PITPNC1: variants seen among roughly 807,000 people sequenced by gnomAD.
PITPNC1 encodes phosphatidylinositol transfer protein cytoplasmic 1.
PITPNC1 carries 18 observed loss-of-function variants against 44.7 expected under a neutral mutation model. That is an observed-to-expected ratio of 0.40 (90% CI 0.28 to 0.60). The LOEUF (loss-of-function observed/expected upper bound fraction) is 0.60. Among genes scored for constraint, PITPNC1 ranks in the 20% least tolerant of loss-of-function variants. The pLI, the probability that PITPNC1 is intolerant of heterozygous loss-of-function variation, is 0.39. For missense variants in PITPNC1, 290 were observed against 418.4 expected (o/e 0.69, Z 2.68); for synonymous variants, 141 against 149.6 (o/e 0.94, Z 0.42).
intron 1 of PITPNC1, among the ~76,000 whole-genome samples, chr17:67,529,080 C>T (rs552102931): frequency 2.6e-5 from 4 of 152,236 alleles, no homozygotes; most frequent in East Asian, 1.9e-4. Flanking sequence ...CCCACACTGA[C>T]GCCGTCTCAG....
chr17:67,483,588 A>C (rs1439839970), intron 1 of PITPNC1, among the ~76,000 whole-genome samples: 1 of 152,176 alleles, frequency 6.6e-6, no homozygotes, highest in Non-Finnish European at 1.5e-5. Flanking sequence ...TGATCGTTGC[A>C]GTGTTTTGGA....
chr17:67,495,062 T>TTTTTG (rs2039931194), intron 1 of PITPNC1, among the ~76,000 whole-genome samples: 2 of 98,870 alleles, frequency 2.0e-5, no homozygotes, highest in Non-Finnish European at 4.3e-5. Context: ...GTTTTTTTTT[T>TTTTTG]TTTTTTTTTT....
intron 1 of PITPNC1, among the ~76,000 whole-genome samples, chr17:67,527,575 C>T (rs1488089556): frequency 2.6e-5 from 4 of 152,038 alleles, no homozygotes; most frequent in East Asian, 1.9e-4. Context: ...TGGTGGTGGG[C>T]GCCTGTAACC....
In PITPNC1 at chr17:67,550,161, CAG is replaced by C. The variant is rs372553274; in HGVS notation, c.198-2091_198-2090del. Reference sequence around the variant, plus strand: ...ACGTAAGGGAAATGAGCAGTTACTGCAGAGAGGATTTTATAGGAGTGAAAAAT... The same window carrying C: ...ACGTAAGGGAAATGAGCAGTTACTGCAGAGGATTTTATAGGAGTGAAAAAT... On this transcript the variant is annotated intron_variant, in intron 2 of 8. Transcript: ENST00000581322. Among the ~76,000 whole-genome samples, 13 of 152,230 alleles carry C rather than the reference CAG, an allele frequency of 8.5e-5. No individual in the cohort carries two copies. The East Asian group carries it at 2.1e-3, about 25-fold the overall frequency.
intron 1 of PITPNC1, among the ~76,000 whole-genome samples, chr17:67,432,435 C>T (rs1192730054): frequency 6.6e-6 from 1 of 152,018 alleles, no homozygotes; most frequent in Non-Finnish European, 1.5e-5. Flanking sequence ...TTGCAGTGAG[C>T]CGAGCTTGCA....
At chr17:67,391,741 A>G (rs974747533) in intron 1 of PITPNC1, among the ~76,000 whole-genome samples, 1 of 152,132 alleles carries the variant, frequency 6.6e-6, no homozygotes, top group East Asian at 1.9e-4. Context: ...TCGGCCTCTC[A>G]AAGTGTTGGG....
chr17:67,490,264 TTGTG>T (rs111690441), intron 1 of PITPNC1, among the ~76,000 whole-genome samples: 1 of 149,398 alleles, frequency 6.7e-6, no homozygotes, highest in East Asian at 1.9e-4. Context: ...TGGGTCATAC[TTGTG>T]TGTGTGTGTG....
In PITPNC1 at chr17:67,572,470, G is replaced by GA. The variant is rs1185996758; in HGVS notation, c.295-5716_295-5715insA. On this transcript the variant is annotated intron_variant, in intron 4 of 8. Transcript: ENST00000581322. ...ACACCTGAAGAAGCTGGGTAAAGCG[G>GA]GGGGGGGGGGTAAAGAAGAAGGGGG... Among the ~76,000 whole-genome samples, 12 of 67,662 alleles carry GA rather than the reference G, an allele frequency of 1.8e-4. 2 individuals carry two copies. In the East Asian group the frequency reaches 6.9e-3, roughly 39 times the overall value. 44.4% of individuals were successfully genotyped at this position (67,662 alleles called of 152,430 possible).
chr17:67,458,333 T>C (rs1316885703), intron 1 of PITPNC1, among the ~76,000 whole-genome samples: 1 of 152,222 alleles, frequency 6.6e-6, no homozygotes, highest in African/African-American at 2.4e-5. Context: ...GACCTTCTCA[T>C]TGTGCTCTCT....
At chr17:67,507,675 C>G (rs1382269650) in intron 1 of PITPNC1, among the ~76,000 whole-genome samples, 1 of 107,954 alleles carries the variant, frequency 9.3e-6, no homozygotes, top group African/African-American at 3.7e-5. Context: ...CAGGGCAAGA[C>G]TTGGTCTCAA....
intron 1 of PITPNC1, among the ~76,000 whole-genome samples, chr17:67,525,729 C>G (rs935863564): frequency 2.6e-5 from 4 of 152,154 alleles, no homozygotes; most frequent in African/African-American, 9.7e-5. Context: ...GCTTTGAGGT[C>G]CAGCAGAGGT....
chr17:67,684,189 G>T (rs918262280), intron 8 of PITPNC1, among the ~76,000 whole-genome samples: 1 of 146,320 alleles, frequency 6.8e-6, no homozygotes, highest in Non-Finnish European at 1.5e-5. Flanking sequence ...TTGACTCACT[G>T]CAGCCTCCGT....
At chr17:67,565,038 G>A (rs2040956194) in intron 4 of PITPNC1, among the ~76,000 whole-genome samples, 1 of 150,868 alleles carries the variant, frequency 6.6e-6, no homozygotes, top group African/African-American at 2.4e-5. Context: ...ATACTCGTTT[G>A]CCATGTTTTT....
intron 1 of PITPNC1, among the ~76,000 whole-genome samples, chr17:67,496,205 A>G (rs2039950259): frequency 6.6e-6 from 1 of 152,194 alleles, no homozygotes; most frequent in African/African-American, 2.4e-5. Flanking sequence ...CAAGTTTTTA[A>G]AATATCATCC....
intron 1 of PITPNC1, among the ~76,000 whole-genome samples, chr17:67,386,693 C>T (rs572750139): frequency 7.7e-4 from 117 of 152,228 alleles, no homozygotes; most frequent in Admixed American, 1.4e-3. Context: ...ATTGCTTTAG[C>T]GGCCTGAGTG....
chr17:67,547,451 G>A (rs1455318127), intron 2 of PITPNC1, among the ~76,000 whole-genome samples: 4 of 152,182 alleles, frequency 2.6e-5, no homozygotes, highest in Non-Finnish European at 4.4e-5. Context: ...AGGAAGTCAA[G>A]GCTGCAGTGA....
In PITPNC1 at chr17:67,578,217, T is replaced by C; in HGVS notation, c.326T>C (p.Ile109Thr). The C allele has an allele frequency of 6.2e-7, 1 of 1,613,050 alleles. No homozygotes were observed. The highest frequency in any genetic ancestry group is 8.5e-7 in the Non-Finnish European group (1 of 1,179,198). ...TTTCTGCCGAAATTCTCCATTCATA[T>C]AGAAACCAAGTATGAGGACAACAAA... ...CSFLPKFSIH[I>T]ETKYEDNKGS... The change falls in exon 5 of 9, where the codon ATA (isoleucine) becomes ACA (threonine). Residue 109 changes from isoleucine (I) to threonine (T), a missense_variant. Transcript: ENST00000581322.
intron 5 of PITPNC1, among the ~76,000 whole-genome samples, chr17:67,621,180 C>CATTTTATTTTAGTTT: frequency 7.7e-6 from 1 of 129,854 alleles, no homozygotes; most frequent in Non-Finnish European, 1.6e-5. Context: ...GTCTGAAGCA[C>CATTTTATTTTAGTTT]ATTTTATTTT....
intron 5 of PITPNC1, chr17:67,612,128 T>A (rs982160925): frequency 1.3e-5 from 2 of 152,218 alleles, no homozygotes; most frequent in African/African-American, 4.8e-5. Flanking sequence ...TCTTGAAAGA[T>A]GAGTACCAAC....
Sources: gnomAD v4.1 joint callset for allele counts (sites outside exome capture counted in the v4.1 genomes callset) on GRCh38, gnomAD v4.1.1 for gene constraint, MANE v1.5 for transcripts, NCBI Gene and HGNC (gene_info 2026-07-23, HGNC 2026-07-21) for gene names.